The following GDF5 variants were observed in gnomAD, a reference collection of about 807,000 sequenced individuals.
GDF5 encodes growth differentiation factor 5.
GDF5 carries 17 observed loss-of-function variants against 34.6 expected under a neutral mutation model. The observed-to-expected ratio is 0.49, with a 90% CI of 0.34 to 0.74. The LOEUF (loss-of-function observed/expected upper bound fraction) is 0.74, where lower values mean the gene tolerates loss of function less well. GDF5 is among the 30% of genes least tolerant of loss of function. GDF5 has a pLI of 0.01. For synonymous variants in GDF5, 332 were observed against 290.7 expected (o/e 1.14, Z -1.44); for missense variants, 616 against 661.2 (o/e 0.93, Z 0.75).
At position 35,434,024 on chromosome 20, in the gene GDF5, G is replaced by A. The variant is rs760521972; in HGVS notation, c.1391C>T (p.Thr464Ile). Residue 464 changes from threonine (T) to isoleucine (I), a missense_variant, in exon 2 of 2, where the codon ACC becomes ATC. Coordinates refer to ENST00000374369, the MANE Select transcript of GDF5 (RefSeq NM_000557.5). ...NSMDPESTPP[T>I]CCVPTRLSPI... is the part of the protein sequence containing the mutation. ...ACTCAGCCGCGTGGGCACACAGCAG[G>A]TGGGTGGTGTGGACTCGGGGTCCAT... is the stretch of plus-strand genomic sequence containing the variant. 3.7e-6 allele frequency: 6 copies of A among 1,614,156 alleles called. No individual in the cohort carries two copies. Among genetic ancestry groups the A allele is most frequent in the South Asian group, 2.2e-5 (2 of 91,086 alleles).
chr20:35,453,575 C>T (rs2062545582), intron 1 of GDF5, among the ~76,000 whole-genome samples: 1 of 152,206 alleles, frequency 6.6e-6, no homozygotes, highest in South Asian at 2.1e-4. Context: ...TGCTTCTTTG[C>T]ATCGTTTTCT....
intron 1 of GDF5, among the ~76,000 whole-genome samples, chr20:35,436,865 G>A (rs1309543630): frequency 1.3e-5 from 2 of 152,174 alleles, no homozygotes; most frequent in African/African-American, 4.8e-5. Flanking sequence ...TTGCCTGAGG[G>A]CAAAGTTGCA....
chr20:35,445,328 C>T (rs1364696467), intron 1 of GDF5, among the ~76,000 whole-genome samples: 4 of 151,918 alleles, frequency 2.6e-5, no homozygotes, highest in Middle Eastern at 3.2e-3. Context: ...CCCAGTAGTT[C>T]GAGACCAGCC....
rs779102835 is a variant in GDF5, at chr20:35,437,848, A to G, written c.81T>C (p.Gly27=). Residue 27 remains glycine (G), a synonymous_variant, in exon 1 of 2, where the codon GGT becomes GGC. Coordinates refer to ENST00000374369, the MANE Select transcript of GDF5 (RefSeq NM_000557.5). The stretch of plus-strand genomic sequence containing the variant: ...GGGGTCTCTGGCCCAAGTCAGGGGC[A>G]CCCAACACAGTGCAGATGAATTCCA... The part of the protein sequence containing the change: ...LDLEFICTVL[G]APDLGQRPQG... 42 of 1,613,922 alleles carry G rather than the reference A, an allele frequency of 2.6e-5. No homozygotes were observed. The highest frequency in any genetic ancestry group is 3.3e-5 in the Non-Finnish European group (39 of 1,179,990).
At position 35,437,688 on chromosome 20, in the gene GDF5, C is replaced by G; in HGVS notation, c.241G>C (p.Gly81Arg). The change falls in exon 1 of 2, where the codon GGG becomes CGG. Residue 81 changes from glycine to arginine, a missense_variant. Physicochemically the swap from Gly to Arg is moderately radical, Grantham distance 125 (BLOSUM62 -2). Transcript: ENST00000374369. ...GGCTGTGTCAGGCCTCCTGTCTGCCCGGTGCCTCCCTTTGCCCTGGCATTG... is the reference window on the plus strand; with the variant it reads ...GGCTGTGTCAGGCCTCCTGTCTGCCGGGTGCCTCCCTTTGCCCTGGCATTG... The part of the protein sequence containing the change: ...NANARAKGGT[G>R]QTGGLTQPKK... 3 of 1,614,036 alleles carry G rather than the reference C, an allele frequency of 1.9e-6. No individual in the cohort carries two copies. The highest frequency in any genetic ancestry group is 2.5e-6 in the Non-Finnish European group (3 of 1,179,984).
In GDF5 at chr20:35,433,876, T is replaced by A; in HGVS notation, c.*33A>T. The A allele has an allele frequency of 6.3e-7, 1 of 1,588,176 alleles. No individual in the cohort carries two copies. Among genetic ancestry groups the A allele is most frequent in the Non-Finnish European group, 8.6e-7 (1 of 1,156,472 alleles). Reference sequence around the variant, plus strand: ...GGAGTGCAGGAAGGGGCTCTTGGGATGTGCCACCCAGGAAGACAGAGGGCC... The same window carrying A: ...GGAGTGCAGGAAGGGGCTCTTGGGAAGTGCCACCCAGGAAGACAGAGGGCC... On this transcript the variant is annotated 3_prime_UTR_variant, in exon 2 of 2. Coordinates refer to ENST00000374369, the MANE Select transcript of GDF5 (RefSeq NM_000557.5).
chr20:35,444,250 C>T (rs113552118), intron 1 of GDF5, among the ~76,000 whole-genome samples: 4,481 of 152,112 alleles, frequency 0.029, 78 homozygotes, highest in Non-Finnish European at 0.048. Context: ...GGAACAAACA[C>T]ATAAGAGAAT....
At chr20:35,451,945 G>A (rs1033358424) in intron 1 of GDF5, among the ~76,000 whole-genome samples, 5 of 152,184 alleles carry the variant, frequency 3.3e-5, no homozygotes, top group African/African-American at 9.7e-5. Flanking sequence ...TGACCTGTTA[G>A]GACCCTGGCA....
In GDF5 at chr20:35,433,658, G is replaced by A. The variant is rs915562196; in HGVS notation, c.*251C>T. 5.4e-6 allele frequency: 3 copies of A among 557,588 alleles called. No individual in the cohort carries two copies. In the African/African-American group the frequency reaches 5.6e-5, roughly 10 times the overall value. The allele number at this position is 557,588 out of a possible 1,614,324, so 34.5% of individuals were successfully genotyped here. On this transcript the variant is annotated 3_prime_UTR_variant, in exon 2 of 2. Transcript: ENST00000374369. ...TGGGACTCAGTCCCATTCAGAGTCTGTCTCCCTGGACCTGTGCCTGCCACT... is the reference window on the plus strand; with the variant it reads ...TGGGACTCAGTCCCATTCAGAGTCTATCTCCCTGGACCTGTGCCTGCCACT...
intron 1 of GDF5, chr20:35,453,916 G>A (rs150525244): frequency 3.2e-4 from 170 of 534,482 alleles, no homozygotes; most frequent in Non-Finnish European, 5.7e-4. Context: ...CAGTCTCTAC[G>A]CTCAAGCTCA....
rs752622490 is a variant in GDF5, at chr20:35,437,772, G to GA, written c.156_157insT (p.Leu53SerfsTer41). The GA allele has an allele frequency of 6.2e-7, 1 of 1,611,564 alleles. No homozygotes were observed. ...CCTGGCCTGAAGACGTTCCGGGCCA[G>GA]GGGGGGCCTCTCCTTGGCCTCTGCT... On this transcript the variant is annotated frameshift_variant, in exon 1 of 2. Transcript: ENST00000374369. LOFTEE classifies it high-confidence loss of function.
At chr20:35,451,064 A>AT (rs1266805168) in intron 1 of GDF5, among the ~76,000 whole-genome samples, 14 of 69,006 alleles carry the variant, frequency 2.0e-4, no homozygotes, top group African/African-American at 9.6e-4. Context: ...AAAAAAAAAA[A>AT]ATATATATAT....
intron 1 of GDF5, among the ~76,000 whole-genome samples, chr20:35,447,228 G>C (rs1295862905): frequency 6.6e-6 from 1 of 151,264 alleles, no homozygotes; most frequent in Non-Finnish European, 1.5e-5. Flanking sequence ...AACAGGCCCC[G>C]GTGTGTGATG....
intron 1 of GDF5, among the ~76,000 whole-genome samples, chr20:35,450,200 G>A (rs1158004807): frequency 6.6e-6 from 1 of 151,448 alleles, no homozygotes; most frequent in East Asian, 1.9e-4. Flanking sequence ...CAGCTTCTCA[G>A]GAGGCTGAGG....
rs1252796277 is a variant in GDF5, at chr20:35,437,529, G to T, written c.400C>A (p.Pro134Thr). 2 of 1,614,158 alleles carry T rather than the reference G, an allele frequency of 1.2e-6. No individual in the cohort carries two copies. The highest frequency in any genetic ancestry group is 1.7e-6 in the Non-Finnish European group (2 of 1,179,996). The change falls in exon 1 of 2, where the codon CCC (proline) becomes ACC (threonine). Residue 134 changes from proline (P) to threonine (T), a missense_variant. Transcript: ENST00000374369. ...PKGQLPGGKAPPKAGSVPSSF... is the reference protein window; with the variant it reads ...PKGQLPGGKATPKAGSVPSSF... Reference sequence around the variant, plus strand: ...CTGGGGACAGATCCTGCTTTTGGGGGTGCCTTGCCTCCGGGAAGCTGTCCT... The same window carrying T: ...CTGGGGACAGATCCTGCTTTTGGGGTTGCCTTGCCTCCGGGAAGCTGTCCT...
chr20:35,438,054 A>G lies in GDF5; in HGVS notation c.-126T>C. On this transcript the variant is annotated 5_prime_UTR_variant, in exon 1 of 2. Coordinates refer to ENST00000374369, the MANE Select transcript of GDF5 (RefSeq NM_000557.5). ...GCAGCGGCAGCAGCAGTAGCAGCAG[A>G]AGGAAAGGCTTTCTCCTCAGTCTGA... The G allele has an allele frequency of 9.3e-7, 1 of 1,076,846 alleles. No homozygotes were observed. Among genetic ancestry groups the G allele is most frequent in the South Asian group, 1.4e-5 (1 of 73,710 alleles). 66.7% of individuals were successfully genotyped at this position (1,076,846 alleles called of 1,614,324 possible).
upstream of GDF5, among the ~76,000 whole-genome samples, chr20:35,441,771 T>A (rs144281325): frequency 7.2e-5 from 11 of 152,214 alleles, no homozygotes; most frequent in East Asian, 1.9e-3. Flanking sequence ...CTATTTTTTT[T>A]AAAGCACTTA....
At position 35,448,252 on chromosome 20, in the gene GDF5, C is replaced by G. The variant is rs541440867; in HGVS notation, c.-398+6388G>C. Among the ~76,000 whole-genome samples the G allele has an allele frequency of 2.6e-5, 4 of 151,910 alleles. No individual in the cohort carries two copies. In the South Asian group the frequency reaches 8.3e-4, roughly 32 times the overall value. On this transcript the variant is annotated intron_variant, in intron 1 of 3. Transcript: ENST00000374372. The stretch of plus-strand genomic sequence containing the variant: ...TAATTCCCACTTTGTGTATAAGAAC[C>G]CTAGCTGGTAAGTACTGTTATCCCC...
Position 35,434,075 on chromosome 20 carries a change from G to C in GDF5, c.1340C>G (p.Ala447Gly), listed in dbSNP as rs548613061. The change falls in exon 2 of 2, where the codon GCA becomes GGA. Residue 447 changes from alanine (A) to glycine (G), a missense_variant. Ala to Gly is a moderately conservative substitution (Grantham distance 60, BLOSUM62 0). Coordinates refer to ENST00000374369, the MANE Select transcript of GDF5 (RefSeq NM_000557.5). The part of the protein sequence containing the change: ...LRSHLEPTNH[A>G]VIQTLMNSMD... ...GGAGTTCATCAGGGTCTGGATGACT[G>C]CATGATTCGTGGGCTCCAGGTGGGA... 5 of 1,614,156 alleles carry C rather than the reference G, an allele frequency of 3.1e-6. No homozygotes were observed. The Admixed American group carries it at 6.7e-5, about 22-fold the overall frequency.
Sources: gnomAD v4.1 joint callset for allele counts (sites outside exome capture counted in the v4.1 genomes callset) on GRCh38, gnomAD v4.1.1 for gene constraint, MANE v1.5 for transcripts, NCBI Gene and HGNC (gene_info 2026-07-23, HGNC 2026-07-21) for gene names.